PRKAR2B: variants seen among roughly 807,000 people sequenced by gnomAD.
The protein encoded by PRKAR2B is protein kinase cAMP-dependent type II regulatory subunit beta.
In PRKAR2B, 14 loss-of-function variants were observed where a neutral mutation model predicts 49.9. The observed-to-expected ratio is 0.28, with a 90% CI of 0.19 to 0.44. The LOEUF (loss-of-function observed/expected upper bound fraction) is 0.44, where lower values mean the gene tolerates loss of function less well. Among genes scored for constraint, PRKAR2B ranks in the 20% least tolerant of loss-of-function variants. The pLI is 1.00. For missense variants in PRKAR2B, 393 were observed against 537.9 expected, an observed-to-expected ratio of 0.73 and a Z score of 2.67; for synonymous variants, 196 against 197.7, an observed-to-expected ratio of 0.99 and a Z score of 0.07.
chr7:107,111,192 G>A (rs1001698837), intron 2 of PRKAR2B, among the ~76,000 whole-genome samples: 1 of 152,170 alleles, frequency 6.6e-6, no homozygotes, highest in Admixed American at 6.5e-5. Context: ...TAAGGAAAGG[G>A]GAGAGAAGAG....
At chr7:107,151,327 G>A (rs1795982989) in intron 7 of PRKAR2B, among the ~76,000 whole-genome samples, 1 of 152,206 alleles carries the variant, frequency 6.6e-6, no homozygotes, top group Admixed American at 6.5e-5. Flanking sequence ...GCCACTAGTT[G>A]TAACTTTACA....
intron 3 of PRKAR2B, among the ~76,000 whole-genome samples, chr7:107,126,285 G>A (rs1177738485): frequency 6.7e-6 from 1 of 149,786 alleles, no homozygotes; most frequent in African/African-American, 2.5e-5. Flanking sequence ...GCCAGGCGTG[G>A]TGGCAGGCAC....
chr7:107,082,239 CA>C (rs1385205235), intron 2 of PRKAR2B, among the ~76,000 whole-genome samples: 15 of 152,022 alleles, frequency 9.9e-5, no homozygotes, highest in African/African-American at 3.6e-4. Flanking sequence ...GATACATTAC[CA>C]CTTACAATTT....
intron 7 of PRKAR2B, among the ~76,000 whole-genome samples, chr7:107,152,879 T>C (rs907415497): frequency 6.6e-6 from 1 of 152,204 alleles, no homozygotes; most frequent in Non-Finnish European, 1.5e-5. Context: ...GAAGGGACTT[T>C]GGCAGATTGG....
Position 107,157,000 on chromosome 7 carries a change from CT to C in PRKAR2B, c.941del (p.Phe314SerfsTer3). On this transcript the variant is annotated frameshift_variant, in exon 9 of 11. Transcript: ENST00000265717. LOFTEE classifies it high-confidence loss of function. ...QIIAQGDSAD[S>X]FFIVESGEVK... The stretch of plus-strand genomic sequence containing the variant: ...TTCCAATAGGGAGATTCGGCTGATT[CT>C]TTTTTCATTGTAGAATCTGGAGAAG... The C allele has an allele frequency of 6.2e-7, 1 of 1,611,730 alleles. No individual in the cohort carries two copies. The highest frequency in any genetic ancestry group is 1.1e-5 in the South Asian group (1 of 91,008).
chr7:107,072,119 A>G (rs1292650092), intron 2 of PRKAR2B, among the ~76,000 whole-genome samples: 2 of 150,030 alleles, frequency 1.3e-5, no homozygotes, highest in Non-Finnish European at 1.5e-5. Flanking sequence ...ATATATATAT[A>G]TAATTGTAGA....
intron 2 of PRKAR2B, among the ~76,000 whole-genome samples, chr7:107,109,706 A>G (rs1795138723): frequency 1.3e-5 from 2 of 152,158 alleles, no homozygotes; most frequent in South Asian, 4.1e-4. Context: ...TGTCTATCCT[A>G]CCAGAATTTT....
At chr7:107,105,265 G>A (rs1169770424) in intron 2 of PRKAR2B, among the ~76,000 whole-genome samples, 2 of 152,174 alleles carry the variant, frequency 1.3e-5, no homozygotes, top group East Asian at 3.9e-4. Context: ...ATGAAGGCAA[G>A]CACTTAGAGC....
At chr7:107,108,368 A>T (rs866790077) in intron 2 of PRKAR2B, among the ~76,000 whole-genome samples, 7 of 152,242 alleles carry the variant, frequency 4.6e-5, no homozygotes, top group African/African-American at 1.4e-4. Flanking sequence ...AGAAAACAAA[A>T]TAAGCATTAG....
intron 4 of PRKAR2B, among the ~76,000 whole-genome samples, chr7:107,134,927 A>G (rs1360994752): frequency 6.6e-6 from 1 of 152,208 alleles, no homozygotes; most frequent in Non-Finnish European, 1.5e-5. Context: ...TAGATTTAGC[A>G]TTGGACTCTT....
In PRKAR2B at chr7:107,160,460, C is replaced by T. The variant is rs1416072342; in HGVS notation, c.*878C>T. 6.6e-6 allele frequency: 1 copy of T among 152,106 alleles called. No homozygotes were observed. Among genetic ancestry groups the T allele is most frequent in the Admixed American group, 6.5e-5 (1 of 15,274 alleles). The allele number at this position is 152,106 out of a possible 1,614,324, so 9.4% of individuals were successfully genotyped here. Reference sequence around the variant, plus strand: ...CTTTAAGATTTTACACCTAAAAAATCTCTCCTATCCCAAAAATAATGTGGG... The same window carrying T: ...CTTTAAGATTTTACACCTAAAAAATTTCTCCTATCCCAAAAATAATGTGGG... On this transcript the variant is annotated 3_prime_UTR_variant, in exon 11 of 11. Transcript: ENST00000265717.
intron 2 of PRKAR2B, among the ~76,000 whole-genome samples, chr7:107,072,278 C>T (rs1794295189): frequency 6.6e-6 from 1 of 151,770 alleles, no homozygotes; most frequent in African/African-American, 2.4e-5. Flanking sequence ...ACGCTGTATA[C>T]AGCAGTAAGC....
intron 4 of PRKAR2B, among the ~76,000 whole-genome samples, chr7:107,132,015 G>C (rs2115614202): frequency 6.6e-6 from 1 of 152,284 alleles, no homozygotes; most frequent in East Asian, 1.9e-4. Flanking sequence ...AGTTTAATGA[G>C]AGTACAAACA....
chr7:107,087,770 A>G (rs76504255), intron 2 of PRKAR2B, among the ~76,000 whole-genome samples: 7,301 of 152,016 alleles, frequency 0.048, 241 homozygotes, highest in African/African-American at 0.072. Flanking sequence ...TTCTATTTCT[A>G]TTGCCACCAC....
intron 2 of PRKAR2B, among the ~76,000 whole-genome samples, chr7:107,107,540 A>G (rs1386452173): frequency 2.0e-5 from 3 of 152,076 alleles, no homozygotes; most frequent in Admixed American, 2.0e-4. Context: ...GCTAGACAGT[A>G]GTACAAATGC....
chr7:107,124,647 T>C (rs752381972), intron 3 of PRKAR2B, among the ~76,000 whole-genome samples: 2 of 152,234 alleles, frequency 1.3e-5, no homozygotes, highest in Non-Finnish European at 2.9e-5. Flanking sequence ...CTTGAACTCC[T>C]GGCCTCAAGT....
chr7:107,097,537 T>G (rs1441640387), intron 2 of PRKAR2B, among the ~76,000 whole-genome samples: 1 of 152,202 alleles, frequency 6.6e-6, no homozygotes, highest in Non-Finnish European at 1.5e-5. Context: ...ATGTGTAAAT[T>G]TGATCCTGTC....
At chr7:107,068,580 T>C (rs1794199103) in intron 1 of PRKAR2B, 1 of 152,160 alleles carries the variant, frequency 6.6e-6, no homozygotes, top group Admixed American at 6.5e-5. Flanking sequence ...TGCAAGTATA[T>C]GACTAAAGTA....
In PRKAR2B at chr7:107,134,022, G is replaced by GT. The variant is rs367840396; in HGVS notation, c.480+5736dup. On this transcript the variant is annotated intron_variant, in intron 4 of 10. Transcript: ENST00000265717. ...CAGAATAGACATACTGTTATGCCCT[G>GT]TTTTTTTTTGTTGTTGTTGTTGTTT... Among the ~76,000 whole-genome samples, 381 of 150,830 alleles carry GT rather than the reference G, an allele frequency of 2.5e-3. 1 individual carries two copies. Among genetic ancestry groups the GT allele is most frequent in the Middle Eastern group, 0.01 (3 of 290 alleles).
Sources: gnomAD v4.1 joint callset for allele counts (sites outside exome capture counted in the v4.1 genomes callset) on GRCh38, gnomAD v4.1.1 for gene constraint, MANE v1.5 for transcripts, NCBI Gene and HGNC (gene_info 2026-07-23, HGNC 2026-07-21) for gene names.